The following CSMD3 variants were observed in gnomAD, a reference collection of about 807,000 sequenced individuals.
CSMD3 encodes CUB and sushi domain-containing protein 3.
A neutral mutation model predicts 435.2 loss-of-function variants in CSMD3; 177 were observed. The ratio of observed to expected loss-of-function variants is 0.41; its 90% CI spans 0.36 to 0.46. The LOEUF is 0.46. Among genes scored for constraint, CSMD3 ranks in the 20% least tolerant of loss-of-function variants. CSMD3 has a pLI of 0.34. For synonymous variants in CSMD3, 1,656 were observed against 1,520.5 expected (o/e 1.09, Z -2.07); for missense variants, 4,265 against 4,504.6 (o/e 0.95, Z 1.52).
At chr8:112,962,895 T>C (rs1380107744) in intron 7 of CSMD3, among the ~76,000 whole-genome samples, 1 of 151,974 alleles carries the variant, frequency 6.6e-6, no homozygotes, top group Non-Finnish European at 1.5e-5. Flanking sequence ...TTAGAAGCAC[T>C]GGCGTCACCT....
At chr8:112,799,759 A>C (rs909475302) in intron 13 of CSMD3, among the ~76,000 whole-genome samples, 1 of 151,934 alleles carries the variant, frequency 6.6e-6, no homozygotes, top group Admixed American at 6.6e-5. Flanking sequence ...ACAAAAAAAG[A>C]TTTGTACATT....
At chr8:112,473,693 C>A (rs1224027312) in intron 31 of CSMD3, among the ~76,000 whole-genome samples, 1 of 54,912 alleles carries the variant, frequency 1.8e-5, no homozygotes, top group Admixed American at 1.4e-4. Flanking sequence ...AGTTTTTCTG[C>A]CCCAGGTGTA....
At chr8:113,243,314 ACTG>A (rs1385519552) in intron 3 of CSMD3, among the ~76,000 whole-genome samples, 1 of 151,944 alleles carries the variant, frequency 6.6e-6, no homozygotes. Context: ...GGGAAATGTC[ACTG>A]CTATCTAATT....
At chr8:112,689,691 A>C (rs532257590) in intron 14 of CSMD3, among the ~76,000 whole-genome samples, 177 bp downstream of exon 14, 1 of 152,184 alleles carries the variant, frequency 6.6e-6, no homozygotes, top group South Asian at 2.1e-4. Context: ...ACTTTATTTA[A>C]ATCTGTAATA....
At chr8:112,228,427 T>C (rs372538878) in intron 70 of CSMD3, among the ~76,000 whole-genome samples, 239 of 152,302 alleles carry the variant, frequency 1.6e-3, no homozygotes, top group African/African-American at 4.2e-3. Flanking sequence ...CAATTTAAAC[T>C]TTAACCTAGA....
In CSMD3 at chr8:112,377,486, C is replaced by G. The variant is rs573727031; in HGVS notation, c.6136+2866G>C. On this transcript the variant is annotated intron_variant, in intron 38 of 70. Coordinates refer to ENST00000297405, the MANE Select transcript of CSMD3 (RefSeq NM_198123.2). ...AAAATTGAAGAGGGGAAAATATGTC[C>G]AAACTTGTTTATTGCAGTCAGCCCT... is the stretch of plus-strand genomic sequence containing the variant. Among the ~76,000 whole-genome samples, 8 of 152,138 alleles carry G rather than the reference C, an allele frequency of 5.3e-5. No homozygotes were observed. In the South Asian group the frequency reaches 1.7e-3, roughly 32 times the overall value.
chr8:112,322,483 G>A (rs1823090523), intron 45 of CSMD3, among the ~76,000 whole-genome samples: 2 of 152,044 alleles, frequency 1.3e-5, no homozygotes, highest in Admixed American at 6.6e-5. Context: ...AGGGTCTGAG[G>A]TGTAATGTCC....
chr8:112,731,285 A>G (rs888451846), intron 13 of CSMD3, among the ~76,000 whole-genome samples: 4 of 152,148 alleles, frequency 2.6e-5, no homozygotes, highest in African/African-American at 9.7e-5. Context: ...TCCACAAGTG[A>G]TAGTCATTTT....
intron 32 of CSMD3, among the ~76,000 whole-genome samples, chr8:112,467,809 A>G (rs1818111583): frequency 6.6e-6 from 1 of 152,178 alleles, no homozygotes; most frequent in Non-Finnish European, 1.5e-5. Flanking sequence ...CTATAAGCCC[A>G]GGAACCTCAA....
intron 1 of CSMD3, among the ~76,000 whole-genome samples, chr8:113,370,232 G>A (rs2094338860): frequency 1.3e-5 from 2 of 150,872 alleles, no homozygotes; most frequent in African/African-American, 4.8e-5. Context: ...ACACATAAAA[G>A]GATTGCTCAC....
chr8:113,042,054 T>C (rs1338464339), intron 5 of CSMD3, among the ~76,000 whole-genome samples: 1 of 152,244 alleles, frequency 6.6e-6, no homozygotes, highest in Non-Finnish European at 1.5e-5. Flanking sequence ...TTTTAATATG[T>C]ATCTACAACA....
At chr8:112,710,049 G>A (rs2076578877) in intron 13 of CSMD3, among the ~76,000 whole-genome samples, 2 of 152,016 alleles carry the variant, frequency 1.3e-5, no homozygotes, top group Admixed American at 6.6e-5. Context: ...AACCATCTAG[G>A]AAGACAGCAC....
chr8:113,382,484 T>C (rs1268426247), intron 1 of CSMD3, among the ~76,000 whole-genome samples: 1 of 152,182 alleles, frequency 6.6e-6, no homozygotes, highest in East Asian at 1.9e-4. Flanking sequence ...TGTAATACTT[T>C]TGTAAAAAAT....
intron 32 of CSMD3, among the ~76,000 whole-genome samples, chr8:112,420,851 G>C (rs1261960045): frequency 1.3e-5 from 2 of 152,104 alleles, no homozygotes. Flanking sequence ...TTATGTGTGG[G>C]ACTTTGACAC....
intron 1 of CSMD3, among the ~76,000 whole-genome samples, chr8:113,419,730 C>G (rs1181457099): frequency 2.0e-5 from 3 of 152,014 alleles, no homozygotes; most frequent in Admixed American, 2.0e-4. Flanking sequence ...TGCCTTTTAT[C>G]TCCTTTATAA....
intron 3 of CSMD3, among the ~76,000 whole-genome samples, chr8:113,226,183 T>C (rs1563572014): frequency 1.3e-5 from 2 of 151,546 alleles, no homozygotes; most frequent in African/African-American, 2.4e-5. Flanking sequence ...AATGGACTAA[T>C]ACAGTGTTAT....
chr8:112,240,756 C>A (rs1402734164), intron 66 of CSMD3, among the ~76,000 whole-genome samples: 1 of 152,084 alleles, frequency 6.6e-6, no homozygotes, highest in African/African-American at 2.4e-5. Flanking sequence ...CCCATAATTC[C>A]CACATGTTGT....
At chr8:112,603,590 G>A (rs1832550886) in intron 22 of CSMD3, among the ~76,000 whole-genome samples, 1 of 152,070 alleles carries the variant, frequency 6.6e-6, no homozygotes, top group Non-Finnish European at 1.5e-5. Flanking sequence ...GTTTGTGTGG[G>A]TAAGTTTGAA....
At chr8:112,421,143 C>G (rs951255371) in intron 32 of CSMD3, among the ~76,000 whole-genome samples, 3 of 151,658 alleles carry the variant, frequency 2.0e-5, no homozygotes, top group African/African-American at 7.3e-5. Context: ...TTAACTTGGG[C>G]TCTAGCTTTA....
Sources: allele counts gnomAD v4.1 joint callset (sites outside exome capture counted in the v4.1 genomes callset), GRCh38; gene constraint gnomAD v4.1.1; transcripts MANE v1.5; gene names NCBI Gene and HGNC (gene_info 2026-07-23, HGNC 2026-07-21).